Variants in PROM1 observed in about 807,000 individuals in gnomAD.
PROM1 encodes the protein prominin 1, also known as prominin-1.
In PROM1, 105 loss-of-function variants were observed where a neutral mutation model predicts 116.9. That is an observed-to-expected ratio of 0.90 (90% CI 0.77 to 1.06). The LOEUF (loss-of-function observed/expected upper bound fraction) is 1.06, where lower values mean the gene tolerates loss of function less well. Among genes scored for constraint, PROM1 ranks in the 50% least tolerant of loss-of-function variants. The pLI is 0.00. For missense variants in PROM1, 1,122 were observed against 1,045.2 expected (o/e 1.07, Z -1.01); for synonymous variants, 393 against 387.0 (o/e 1.02, Z -0.18).
At chr4:16,025,739 A>ACT (rs2149345308) in intron 5 of PROM1, among the ~76,000 whole-genome samples, 1 of 146,926 alleles carries the variant, frequency 6.8e-6, no homozygotes, top group South Asian at 2.1e-4. Context: ...ACACACACAC[A>ACT]CTTCTGCTCC....
At chr4:16,012,671 C>A (rs1436031467) in intron 11 of PROM1, among the ~76,000 whole-genome samples, 1 of 151,946 alleles carries the variant, frequency 6.6e-6, no homozygotes, top group Non-Finnish European at 1.5e-5. Flanking sequence ...GAGATCGAGA[C>A]CATCCTGGCT....
chr4:16,077,933 A>G (rs758942448), intron 1 of PROM1, among the ~76,000 whole-genome samples: 2 of 152,186 alleles, frequency 1.3e-5, no homozygotes, highest in African/African-American at 4.8e-5. Context: ...GCATGGCCTC[A>G]AGTCTAGGGA....
At chr4:16,020,826 C>T (rs1729668054) in intron 8 of PROM1, among the ~76,000 whole-genome samples, 1 of 152,156 alleles carries the variant, frequency 6.6e-6, no homozygotes, top group Admixed American at 6.5e-5. Flanking sequence ...CCAAAAGCTT[C>T]AAAGTATTTT....
At chr4:15,985,431 C>T (rs1719096871) in intron 22 of PROM1, 2 of 289,002 alleles carry the variant, frequency 6.9e-6, no homozygotes, top group Non-Finnish European at 1.3e-5. Flanking sequence ...ACCCAGCCTA[C>T]AGGACTCTGA....
Position 16,006,645 on chromosome 4 carries a change from C to A in PROM1, c.1347G>T (p.Val449=). 6.2e-7 allele frequency: 1 copy of A among 1,612,854 alleles called. No individual in the cohort carries two copies. The highest frequency in any genetic ancestry group is 8.5e-7 in the Non-Finnish European group (1 of 1,179,526). Residue 449 remains valine (V), a synonymous_variant, in exon 13 of 28, where the codon GTG becomes GTT. Coordinates refer to ENST00000447510, the MANE Select transcript of PROM1 (RefSeq NM_006017.3). ...LVICSLLTLI[V]IFYYLGLLCG... ...ACAGTAAGCCCAGGTAGTAAAAAAT[C>A]ACGATGAGGGTCAGCAGAGAGCAGA... is the stretch of plus-strand genomic sequence containing the variant.
intron 2 of PROM1, among the ~76,000 whole-genome samples, chr4:16,073,053 G>A (rs1456319242): frequency 1.3e-5 from 2 of 152,084 alleles, no homozygotes; most frequent in East Asian, 3.9e-4. Context: ...AGACTGCTTT[G>A]AGTAATAAAA....
chr4:16,001,496 G>T (rs377052910), intron 13 of PROM1, among the ~76,000 whole-genome samples: 1 of 152,304 alleles, frequency 6.6e-6, no homozygotes, highest in Non-Finnish European at 1.5e-5. Context: ...AAGATGGGTG[G>T]TGGAAGGAGG....
rs769095572 is a variant in PROM1, at chr4:16,033,434, C to T, written c.379G>A (p.Gly127Arg). 3.7e-6 allele frequency: 6 copies of T among 1,613,630 alleles called. No individual in the cohort carries two copies. The highest frequency in any genetic ancestry group is 5.1e-6 in the Non-Finnish European group (6 of 1,179,758). Residue 127 changes from glycine (G) to arginine (R), a missense_variant, in exon 5 of 28, where the codon GGG becomes AGG. Gly to Arg is a moderately radical substitution (Grantham distance 125). Coordinates refer to ENST00000447510, the MANE Select transcript of PROM1 (RefSeq NM_006017.3). ...CAACGACACATACAAAAGAAATACCCCACCAGAGGCATCAGAATAATAAAC... is the reference window on the plus strand; with the variant it reads ...CAACGACACATACAAAAGAAATACCTCACCAGAGGCATCAGAATAATAAAC... The part of the protein sequence containing the change: ...LLFIILMPLV[G>R]YFFCMCRCCN...
intron 12 of PROM1, among the ~76,000 whole-genome samples, chr4:16,007,643 C>G (rs187103368): frequency 1.3e-5 from 2 of 152,184 alleles, no homozygotes; most frequent in Non-Finnish European, 2.9e-5. Flanking sequence ...GGAGCATCTG[C>G]TTAGTTAATT....
chr4:15,981,710 G>T (rs772196618), intron 23 of PROM1, among the ~76,000 whole-genome samples: 1 of 152,140 alleles, frequency 6.6e-6, no homozygotes, highest in Non-Finnish European at 1.5e-5. Context: ...GCATGCTAGG[G>T]TCTCAATCAA....
intron 2 of PROM1, among the ~76,000 whole-genome samples, chr4:16,073,760 C>T (rs1485525118): frequency 6.6e-6 from 1 of 152,160 alleles, no homozygotes; most frequent in Non-Finnish European, 1.5e-5. Context: ...TTCCCTCCTT[C>T]GGTCTAACAA....
intron 2 of PROM1, among the ~76,000 whole-genome samples, chr4:16,065,764 C>T (rs1324862559): frequency 2.0e-5 from 3 of 152,178 alleles, no homozygotes; most frequent in Non-Finnish European, 4.4e-5. Flanking sequence ...ACTTGAAAAA[C>T]TAAATAAGAA....
chr4:15,969,560 T>G (rs1356953084), intron 27 of PROM1, among the ~76,000 whole-genome samples, 192 bp from the exon 28 acceptor site: 5 of 152,074 alleles, frequency 3.3e-5, no homozygotes, highest in Non-Finnish European at 7.4e-5. Context: ...GAAAAAAACT[T>G]TGTGGTTTTT....
At chr4:16,041,619 A>T (rs1397723752) in intron 2 of PROM1, among the ~76,000 whole-genome samples, 2 of 151,996 alleles carry the variant, frequency 1.3e-5, no homozygotes, top group Non-Finnish European at 2.9e-5. Context: ...ACCCCACATT[A>T]GTCAAGTGTG....
At chr4:16,063,388 G>C (rs925306244) in intron 2 of PROM1, among the ~76,000 whole-genome samples, 5 of 152,294 alleles carry the variant, frequency 3.3e-5, no homozygotes, top group Admixed American at 1.3e-4. Flanking sequence ...TTGAGGTCAG[G>C]AGTTCGAGAC....
chr4:16,053,684 G>A (rs1738366150), intron 2 of PROM1, among the ~76,000 whole-genome samples: 1 of 152,200 alleles, frequency 6.6e-6, no homozygotes, highest in Admixed American at 6.5e-5. Context: ...AAAATGGAAA[G>A]AAAAGATAAA....
intron 26 of PROM1, among the ~76,000 whole-genome samples, chr4:15,973,202 T>C (rs1050196581): frequency 5.3e-5 from 8 of 152,214 alleles, no homozygotes. Flanking sequence ...GGCTCATGCC[T>C]GTAATCTAGC....
In PROM1 at chr4:16,009,120, G is replaced by T. The variant is rs762774753; in HGVS notation, c.1142-12C>A. On this transcript the variant is annotated splice_polypyrimidine_tract_variant and intron_variant, in intron 11 of 27. Coordinates refer to ENST00000447510, the MANE Select transcript of PROM1 (RefSeq NM_006017.3). Reference sequence around the variant, plus strand: ...GACCCTTTTGATACCTGAAAACAAAGATACCTTTGTTATGCATTTGCAAAC... The same window carrying T: ...GACCCTTTTGATACCTGAAAACAAATATACCTTTGTTATGCATTTGCAAAC... 11 of 1,609,880 alleles carry T rather than the reference G, an allele frequency of 6.8e-6. No homozygotes were observed. The African/African-American group carries it at 1.5e-4, about 22-fold the overall frequency.
chr4:16,037,069 G>T (rs1243733918), intron 3 of PROM1, among the ~76,000 whole-genome samples: 1 of 152,166 alleles, frequency 6.6e-6, no homozygotes, highest in Non-Finnish European at 1.5e-5. Context: ...TGCCAGGGAC[G>T]GTGGCAGCCC....
Sources: allele counts gnomAD v4.1 joint callset (sites outside exome capture counted in the v4.1 genomes callset), GRCh38; gene constraint gnomAD v4.1.1; transcripts MANE v1.5; gene names NCBI Gene and HGNC (gene_info 2026-07-23, HGNC 2026-07-21).